Variants in SACS observed in about 807,000 individuals in gnomAD.
SACS encodes the protein sacsin.
In SACS, 197 loss-of-function variants were observed where a neutral mutation model predicts 348.0. The observed-to-expected ratio is 0.57, with a 90% CI of 0.50 to 0.64. The LOEUF is 0.64. Among genes scored for constraint, SACS ranks in the 30% least tolerant of loss-of-function variants. The pLI is 0.00. For missense variants in SACS, 4,999 were observed against 5,360.8 expected, an observed-to-expected ratio of 0.93 and a Z score of 2.11; for synonymous variants, 1,985 against 1,910.6, an observed-to-expected ratio of 1.04 and a Z score of -1.02.
intron 2 of SACS, among the ~76,000 whole-genome samples, chr13:23,395,606 T>G (rs1417437204): frequency 1.3e-5 from 2 of 152,136 alleles, no homozygotes; most frequent in Non-Finnish European, 2.9e-5. Context: ...CACCGGAATC[T>G]TAGGCCTCCT....
At position 23,330,086 on chromosome 13, in the gene SACS, A is replaced by G. The variant is rs748139254; in HGVS notation, c.*50T>C. 1 of 1,516,292 alleles carries G rather than the reference A, an allele frequency of 6.6e-7. No individual in the cohort carries two copies. Among genetic ancestry groups the G allele is most frequent in the Non-Finnish European group, 9.1e-7 (1 of 1,097,470 alleles). 93.9% of individuals were successfully genotyped at this position (1,516,292 alleles called of 1,614,324 possible). On this transcript the variant is annotated 3_prime_UTR_variant, in exon 10 of 10. Coordinates refer to ENST00000382292, the MANE Select transcript of SACS (RefSeq NM_014363.6). ...GAAGCTTAATGAAGTACAGCAATTT[A>G]TTCGTGCTACAACACATTCAAGATC...
Position 23,344,898 on chromosome 13 carries a change from G to A in SACS, c.2186-3208C>T, listed in dbSNP as rs1869499925. 1.3e-5 allele frequency among the ~76,000 whole-genome samples: 2 copies of A among 152,118 alleles called. 1 individual carries two copies. The highest frequency in any genetic ancestry group is 2.9e-5 in the Non-Finnish European group (2 of 68,034). On this transcript the variant is annotated intron_variant, in intron 9 of 9. Coordinates refer to ENST00000382292, the MANE Select transcript of SACS (RefSeq NM_014363.6). ...CATAATGAATCAGTACTCAAAGACT[G>A]CACTATTTTTTATTGTTTACATTTA...
chr13:23,410,840 C>G (rs915273748), intron 2 of SACS, among the ~76,000 whole-genome samples: 1 of 152,128 alleles, frequency 6.6e-6, no homozygotes, highest in Non-Finnish European at 1.5e-5. Context: ...CCTCTCTCCT[C>G]AGGTTATTCA....
At chr13:23,371,945 T>C (rs1871414891) in intron 3 of SACS, among the ~76,000 whole-genome samples, 1 of 152,218 alleles carries the variant, frequency 6.6e-6, no homozygotes, top group Admixed American at 6.5e-5. Context: ...GTTAAACAAT[T>C]ATTAAAAGAA....
At chr13:23,380,070 T>A (rs529261303) in intron 2 of SACS, among the ~76,000 whole-genome samples, 1 of 152,006 alleles carries the variant, frequency 6.6e-6, no homozygotes, top group Admixed American at 6.5e-5. Flanking sequence ...TTCCTCAACA[T>A]CCTTCCTGCT....
Position 23,351,890 on chromosome 13 carries a change from A to G in SACS, c.2185+1895T>C, listed in dbSNP as rs1165367159. 2.0e-5 allele frequency among the ~76,000 whole-genome samples: 3 copies of G among 152,180 alleles called. No homozygotes were observed. The East Asian group carries it at 5.8e-4, about 29-fold the overall frequency. On this transcript the variant is annotated intron_variant, in intron 9 of 9. Transcript: ENST00000382292. ...ACAAAACACAGTGTTTCATTATGAC[A>G]CCAAAATAACAACTTGAATCCATAG...
In SACS at chr13:23,338,569, A is replaced by T; in HGVS notation, c.5307T>A (p.His1769Gln). Residue 1769 changes from histidine (H) to glutamine (Q), a missense_variant, in exon 10 of 10, where the codon CAT becomes CAA. This residue lies in a region of SACS where 3,156 missense variants were observed against 3,380.1 expected (regional missense o/e 0.93). Transcript: ENST00000382292. The stretch of plus-strand genomic sequence containing the variant: ...GTAAATCAGCAATCCTTCTGAACAC[A>T]TGGTGAAATTCTTCCACTGTGATCT... ...ILQITVEEFHHVFRRIADLQS... is the reference protein window; with the variant it reads ...ILQITVEEFHQVFRRIADLQS... 29 of 1,614,070 alleles carry T rather than the reference A, an allele frequency of 1.8e-5. No homozygotes were observed. Among genetic ancestry groups the T allele is most frequent in the Non-Finnish European group, 2.5e-5 (29 of 1,179,972 alleles).
intron 1 of SACS, among the ~76,000 whole-genome samples, chr13:23,426,130 T>G (rs771067884): frequency 1.3e-5 from 2 of 152,152 alleles, no homozygotes; most frequent in Non-Finnish European, 2.9e-5. Flanking sequence ...CAGCTCTTAC[T>G]TATTCCCCAC....
chr13:23,342,487 C>T (rs998742030), intron 9 of SACS, among the ~76,000 whole-genome samples: 9 of 152,252 alleles, frequency 5.9e-5, no homozygotes, highest in East Asian at 1.9e-4. Flanking sequence ...TTTTGCATTT[C>T]GGACTCTTTT....
rs1371225425 is a variant in SACS at position 23,339,424 on chromosome 13, G to A, written c.4452C>T (p.Asn1484=). The part of the protein sequence containing the change: ...VSDIFKELLQ[N]ADDANATECS... The stretch of plus-strand genomic sequence containing the variant: ...ATTCTGTTGCATTTGCATCATCAGC[G>A]TTTTGAAGTAGTTCTTTAAAAATAT... Residue 1484 remains asparagine (N), a synonymous_variant, in exon 10 of 10, where the codon AAC becomes AAT. Transcript: ENST00000382292. The A allele has an allele frequency of 8.1e-6, 13 of 1,607,248 alleles. No homozygotes were observed. The highest frequency in any genetic ancestry group is 4.5e-5 in the East Asian group (2 of 44,836).
intron 9 of SACS, among the ~76,000 whole-genome samples, chr13:23,344,502 G>A (rs1032516631): frequency 6.6e-6 from 1 of 152,174 alleles, no homozygotes; most frequent in African/African-American, 2.4e-5. Flanking sequence ...ACCGGTATAC[G>A]TAAATTAAGT....
chr13:23,403,097 G>C lies in SACS; in HGVS notation c.20+8123C>G, dbSNP rs149805032. 9.4e-3 allele frequency among the ~76,000 whole-genome samples: 1,426 copies of C among 151,774 alleles called. 14 individuals are homozygous for C. Among genetic ancestry groups the C allele is most frequent in the African/African-American group, 0.033 (1,346 of 41,340 alleles). On this transcript the variant is annotated intron_variant, in intron 2 of 9. Coordinates refer to ENST00000382292, the MANE Select transcript of SACS (RefSeq NM_014363.6). ...GGAGGCTGAGGCAGGAGAATCGCTT[G>C]AACCCAGAAGGTGGAGGTTGCAGTG...
Position 23,333,436 on chromosome 13 carries a change from G to T in SACS, c.10440C>A (p.His3480Gln). 6.2e-7 allele frequency: 1 copy of T among 1,611,238 alleles called. No homozygotes were observed. Among genetic ancestry groups the T allele is most frequent in the South Asian group, 1.1e-5 (1 of 90,500 alleles). ...AGAGATTTTCAATTTTTGGTAAGAGGTGTTTCAAATATACCTCAAGATCAT... is the reference window on the plus strand; with the variant it reads ...AGAGATTTTCAATTTTTGGTAAGAGTTGTTTCAAATATACCTCAAGATCAT... The part of the protein sequence containing the change: ...PVDDLEVYLK[H>Q]LLPKIENLSY... Residue 3480 changes from histidine to glutamine, a missense_variant, in exon 10 of 10, where the codon CAC becomes CAA. Around this residue, in one of 6 missense-constraint regions of SACS, gnomAD observed 734 missense variants for 694.0 expected, o/e 1.06. Transcript: ENST00000382292.
intron 1 of SACS, among the ~76,000 whole-genome samples, chr13:23,413,835 A>G (rs1873595698): frequency 6.6e-6 from 1 of 152,224 alleles, no homozygotes; most frequent in South Asian, 2.1e-4. Context: ...AAAACTATAT[A>G]TGTAAATTTA....
chr13:23,345,410 G>A (rs1869532303), intron 9 of SACS, among the ~76,000 whole-genome samples: 1 of 152,192 alleles, frequency 6.6e-6, no homozygotes, highest in Admixed American at 6.5e-5. Context: ...AGGTCCCAGG[G>A]CCCAGCATAA....
At chr13:23,343,916 A>G (rs1267271357) in intron 9 of SACS, among the ~76,000 whole-genome samples, 1 of 152,070 alleles carries the variant, frequency 6.6e-6, no homozygotes, top group East Asian at 1.9e-4. Context: ...GCAAGGGCAC[A>G]CTTTTGCAAC....
At position 23,336,745 on chromosome 13, in the gene SACS, C is replaced by T. The variant is rs1868643917; in HGVS notation, c.7131G>A (p.Lys2377=). 3 of 1,613,848 alleles carry T rather than the reference C, an allele frequency of 1.9e-6. No homozygotes were observed. Among genetic ancestry groups the T allele is most frequent in the Admixed American group, 3.3e-5 (2 of 59,994 alleles). The change falls in exon 10 of 10, where the codon AAG becomes AAA. Residue 2377 remains lysine (K), a synonymous_variant. Coordinates refer to ENST00000382292, the MANE Select transcript of SACS (RefSeq NM_014363.6). ...AAAGTTCGCGGAAATTATTTTTATACTTATTAGGCAACTGATAAAGGTATG... is the reference window on the plus strand; with the variant it reads ...AAAGTTCGCGGAAATTATTTTTATATTTATTAGGCAACTGATAAAGGTATG... ...AAPYLYQLPN[K]YKNNFRELFE...
rs55848856 is a variant in SACS, at chr13:23,399,037, A to AAAAAAAAAAAAAAAAAAAAAAC, written c.20+12182_20+12183insGTTTTTTTTTTTTTTTTTTTTT. 2.4e-4 allele frequency among the ~76,000 whole-genome samples: 36 copies of AAAAAAAAAAAAAAAAAAAAAAC among 149,844 alleles called. 2 individuals carry two copies. Among genetic ancestry groups the AAAAAAAAAAAAAAAAAAAAAAC allele is most frequent in the African/African-American group, 9.0e-4 (36 of 40,196 alleles). On this transcript the variant is annotated intron_variant, in intron 2 of 9. Transcript: ENST00000382292. ...TCCATCTCAAAAAAAAAAAAAAAAA[A>AAAAAAAAAAAAAAAAAAAAAAC]CATGGATGCCTGGCTCTTAGTTAAT...
rs778310483 is a variant in SACS at position 23,331,801 on chromosome 13, A to G, written c.12075T>C (p.Asn4025=). 3 of 1,613,978 alleles carry G rather than the reference A, an allele frequency of 1.9e-6. 1 individual carries two copies. In the South Asian group the frequency reaches 3.3e-5, roughly 18 times the overall value. The stretch of plus-strand genomic sequence containing the variant: ...CTTTTTCTTCATTGGCCAGAAAAGC[A>G]TTATCATTTTCATGCTTCATAATTC... ...LIRIMKHEND[N]AFLANEEKAI... The change falls in exon 10 of 10, where the codon AAT becomes AAC. Residue 4025 remains asparagine (N), a synonymous_variant. Transcript: ENST00000382292.
Sources: allele counts gnomAD v4.1 joint callset (sites outside exome capture counted in the v4.1 genomes callset), GRCh38; gene constraint gnomAD v4.1.1; regional missense constraint gnomAD v4.1.1; transcripts MANE v1.5; gene names NCBI Gene and HGNC (gene_info 2026-07-23, HGNC 2026-07-21).